CPAMD8: variants seen among roughly 807,000 people sequenced by gnomAD.
The protein encoded by CPAMD8 is C3 and PZP like alpha-2-macroglobulin domain containing 8, also known as C3 and PZP-like alpha-2-macroglobulin domain-containing protein 8.
Under a neutral mutation model 224.7 loss-of-function variants are expected in CPAMD8, and 146 were observed. The observed-to-expected ratio is 0.65, with a 90% CI of 0.57 to 0.75. The LOEUF is 0.75. CPAMD8 is among the 30% of genes least tolerant of loss of function. The pLI is 0.00. For missense variants in CPAMD8, 2,301 were observed against 2,537.5 expected, an observed-to-expected ratio of 0.91 and a Z score of 2.00; for synonymous variants, 966 against 1,044.6, an observed-to-expected ratio of 0.92 and a Z score of 1.45.
chr19:16,933,426 A>C (rs1185125510), intron 23 of CPAMD8, among the ~76,000 whole-genome samples: 1 of 152,216 alleles, frequency 6.6e-6, no homozygotes, highest in Non-Finnish European at 1.5e-5. Context: ...ATATTTTTGC[A>C]AAGCATTTAT....
At position 17,002,271 on chromosome 19, in the gene CPAMD8, C is replaced by A; in HGVS notation, c.753G>T (p.Arg251=). Reference sequence around the variant, plus strand: ...CAGGGGTCCCTCTTTCTCACCTGGCCCGCACAGTGCCTGTCTCACAGGCGT... The same window carrying A: ...CAGGGGTCCCTCTTTCTCACCTGGCACGCACAGTGCCTGTCTCACAGGCGT... The part of the protein sequence containing the change: ...DLDACETGTV[R]ARYTFGKPVA... The change falls in exon 9 of 42, where the codon CGG becomes CGT. Residue 251 remains arginine, a synonymous_variant. Transcript: ENST00000443236. The A allele has an allele frequency of 6.3e-7, 1 of 1,594,120 alleles. No individual in the cohort carries two copies. Among genetic ancestry groups the A allele is most frequent in the Non-Finnish European group, 8.6e-7 (1 of 1,167,942 alleles).
At position 16,952,146 on chromosome 19, in the gene CPAMD8, G is replaced by T. The variant is rs1175459104; in HGVS notation, c.2331C>A (p.Ser777Arg). ...ACAGGGCCACGGCCTCACCCACCCA[G>T]CTGGTGATGGAGTCCGGGACCTTCA... ...LSVKVPDSIT[S>R]WVGEAVALST... is the part of the protein sequence containing the mutation. Residue 777 changes from serine (S) to arginine (R), a missense_variant, in exon 20 of 42, where the codon AGC (serine) becomes AGA (arginine). Ser to Arg is a moderately radical substitution (Grantham distance 110, BLOSUM62 -1). Around this residue, in one of 4 missense-constraint regions of CPAMD8, gnomAD observed 1,709 missense variants for 1,753.2 expected, o/e 0.97. Coordinates refer to ENST00000443236, the MANE Select transcript of CPAMD8 (RefSeq NM_015692.5). The T allele has an allele frequency of 1.3e-6, 2 of 1,551,436 alleles. No individual in the cohort carries two copies. The highest frequency in any genetic ancestry group is 3.9e-5 in the Admixed American group (2 of 51,010).
chr19:16,991,066 C>T (rs934859751), intron 12 of CPAMD8, among the ~76,000 whole-genome samples: 1 of 150,926 alleles, frequency 6.6e-6, no homozygotes, highest in Non-Finnish European at 1.5e-5. Context: ...GTCCCATGGC[C>T]AATGATTTAA....
intron 10 of CPAMD8, among the ~76,000 whole-genome samples, chr19:16,999,664 T>G (rs1274227203): frequency 6.6e-6 from 1 of 152,102 alleles, no homozygotes; most frequent in Non-Finnish European, 1.5e-5. Flanking sequence ...GAATGATATC[T>G]CAATAAAATT....
chr19:16,966,959 T>A (rs950669555), intron 18 of CPAMD8, among the ~76,000 whole-genome samples: 8 of 152,136 alleles, frequency 5.3e-5, no homozygotes, highest in Admixed American at 4.6e-4. Flanking sequence ...GAACTAGAAA[T>A]ACCATTTCAC....
chr19:16,899,003 C>T lies in CPAMD8; in HGVS notation c.4848+472G>A, dbSNP rs2052144223. On this transcript the variant is annotated intron_variant, in intron 37 of 41. Transcript: ENST00000443236. This position sits in a 1 kb window ranked among gnomAD's most constrained non-coding sequence, Gnocchi z 5.4. Reference sequence around the variant, plus strand: ...TGGCACAATCTCAGGTCACCACAACCTCCGCCTCCCAGGTTCAAACGACTC... The same window carrying T: ...TGGCACAATCTCAGGTCACCACAACTTCCGCCTCCCAGGTTCAAACGACTC... Among the ~76,000 whole-genome samples the T allele has an allele frequency of 6.6e-6, 1 of 152,164 alleles. No homozygotes were observed. Among genetic ancestry groups the T allele is most frequent in the Non-Finnish European group, 1.5e-5 (1 of 68,030 alleles).
At chr19:16,918,667 C>T (rs570876240) in intron 27 of CPAMD8, among the ~76,000 whole-genome samples, 2 of 151,466 alleles carry the variant, frequency 1.3e-5, no homozygotes, top group African/African-American at 2.4e-5. Flanking sequence ...GGCTGGTCTC[C>T]GACTCCTGGC....
intron 19 of CPAMD8, among the ~76,000 whole-genome samples, chr19:16,952,832 C>A (rs919329500): frequency 6.6e-6 from 1 of 152,100 alleles, no homozygotes; most frequent in Non-Finnish European, 1.5e-5. Context: ...CTATCATAAA[C>A]CCCAATGACT....
chr19:16,898,843 C>G lies in CPAMD8; in HGVS notation c.4848+632G>C, dbSNP rs2052138955. 6.6e-6 allele frequency among the ~76,000 whole-genome samples: 1 copy of G among 152,176 alleles called. No homozygotes were observed. Among genetic ancestry groups the G allele is most frequent in the South Asian group, 2.1e-4 (1 of 4,830 alleles). ...CCCTCCCTGCTTTTTCTACCAACTG[C>G]CATCAGCCGAGGGCACAGAGCTGTC... is the stretch of plus-strand genomic sequence containing the variant. On this transcript the variant is annotated intron_variant, in intron 37 of 41. Transcript: ENST00000443236. This position sits in a 1 kb window ranked among gnomAD's most constrained non-coding sequence, Gnocchi z 4.2.
chr19:16,958,752 C>T (rs1233552284), intron 18 of CPAMD8, among the ~76,000 whole-genome samples: 1 of 152,004 alleles, frequency 6.6e-6, no homozygotes, highest in Non-Finnish European at 1.5e-5. Context: ...TGCATAGCAT[C>T]CCCTTTTCTC....
chr19:17,024,164 C>T (rs116477033), intron 1 of CPAMD8, among the ~76,000 whole-genome samples: 1,820 of 152,274 alleles, frequency 0.012, 35 homozygotes, highest in African/African-American at 0.042. Flanking sequence ...TCTCAAAAGA[C>T]GCAGTGGGTT....
At chr19:17,008,140 G>C (rs1368013435) in intron 7 of CPAMD8, among the ~76,000 whole-genome samples, 3 of 152,244 alleles carry the variant, frequency 2.0e-5, no homozygotes, top group Non-Finnish European at 4.4e-5. Flanking sequence ...CTGCACTCCA[G>C]CCTGGGTGAC....
intron 20 of CPAMD8, among the ~76,000 whole-genome samples, chr19:16,950,116 AG>A (rs2054250815): frequency 2.6e-5 from 4 of 151,828 alleles, no homozygotes; most frequent in Non-Finnish European, 5.9e-5. Flanking sequence ...TGGCCAACAT[AG>A]TGAAACCCCG....
At position 16,965,277 on chromosome 19, in the gene CPAMD8, G is replaced by A. The variant is rs1030226426; in HGVS notation, c.2213+5614C>T. Among the ~76,000 whole-genome samples, 22 of 151,816 alleles carry A rather than the reference G, an allele frequency of 1.4e-4. 1 individual carries two copies. Among genetic ancestry groups the A allele is most frequent in the Non-Finnish European group, 2.9e-4 (20 of 67,974 alleles). On this transcript the variant is annotated intron_variant, in intron 18 of 41. Transcript: ENST00000443236. ...TCCATCTCAAAAAAAAAAGGTCTTC[G>A]ACAAAATTCAACAGCCCTTCATGCT...
chr19:16,914,335 A>G (rs2052848988), intron 29 of CPAMD8, 89 bp downstream of exon 29: 1 of 1,058,590 alleles, frequency 9.4e-7, no homozygotes, highest in Admixed American at 1.8e-5. Flanking sequence ...GCAGGGAGGA[A>G]GAAATCACCC....
chr19:16,972,815 GC>G lies in CPAMD8; in HGVS notation c.2071-1783del, dbSNP rs201526684. Among the ~76,000 whole-genome samples the G allele has an allele frequency of 5.5e-4, 84 of 152,284 alleles. No individual in the cohort carries two copies. The East Asian group carries it at 0.015, about 27-fold the overall frequency. On this transcript the variant is annotated intron_variant, in intron 17 of 41. Transcript: ENST00000443236. ...CCAGAAGGGACCTGGAGTTCAAACTGCCAGGCAGTTCACATACTCATAAATG... is the reference window on the plus strand; with the variant it reads ...CCAGAAGGGACCTGGAGTTCAAACTGCAGGCAGTTCACATACTCATAAATG...
At chr19:16,903,956 CG>C in intron 32 of CPAMD8, 99 bp from the exon 33 acceptor site, 1 of 1,248,644 alleles carries the variant, frequency 8.0e-7, no homozygotes, top group South Asian at 1.4e-5. Flanking sequence ...CAGGCACCAA[CG>C]GGGCTGGAAT....
chr19:17,024,891 A>T (rs1397310059), intron 1 of CPAMD8, among the ~76,000 whole-genome samples: 2 of 152,234 alleles, frequency 1.3e-5, no homozygotes, highest in Non-Finnish European at 2.9e-5. Context: ...AAAATCTCTC[A>T]GGTGACAGAA....
chr19:16,990,068 A>G (rs1402950482), intron 12 of CPAMD8, among the ~76,000 whole-genome samples: 1 of 152,142 alleles, frequency 6.6e-6, no homozygotes, highest in Non-Finnish European at 1.5e-5. Context: ...CCTGGCCAAC[A>G]TGGAGAAACC....
Sources: allele counts gnomAD v4.1 joint callset (sites outside exome capture counted in the v4.1 genomes callset), GRCh38; gene constraint gnomAD v4.1.1; regional missense constraint gnomAD v4.1.1; non-coding constraint Gnocchi (gnomAD v3.1); transcripts MANE v1.5; gene names NCBI Gene and HGNC (gene_info 2026-07-23, HGNC 2026-07-21).